The following MTR variants were observed in gnomAD, a reference collection of about 807,000 sequenced individuals.
The protein encoded by MTR is 5-methyltetrahydrofolate-homocysteine methyltransferase.
In MTR, 84 loss-of-function variants were observed where a neutral mutation model predicts 154.8. The ratio of observed to expected loss-of-function variants is 0.54; its 90% CI spans 0.45 to 0.65. The LOEUF (loss-of-function observed/expected upper bound fraction) is 0.65. MTR is among the 30% of genes least tolerant of loss of function. The pLI is 0.00. For synonymous variants in MTR, 554 were observed against 553.9 expected, an observed-to-expected ratio of 1.00 and a Z score of 0.00; for missense variants, 1,275 against 1,570.2, an observed-to-expected ratio of 0.81 and a Z score of 3.18.
chr1:236,891,438 C>A, intron 29 of MTR, 109 bp downstream of exon 29: 1 of 1,133,294 alleles, frequency 8.8e-7, no homozygotes, highest in Non-Finnish European at 1.3e-6. Context: ...TCCCAAATGA[C>A]CAATCACATG....
At chr1:236,804,360 A>G (rs759052160) in intron 2 of MTR, among the ~76,000 whole-genome samples, 4 of 152,248 alleles carry the variant, frequency 2.6e-5, no homozygotes, top group African/African-American at 4.8e-5. Context: ...GATGCTGTCT[A>G]TGAACTAGAA....
chr1:236,882,259 T>G (rs1558335839), intron 25 of MTR, among the ~76,000 whole-genome samples: 1 of 152,204 alleles, frequency 6.6e-6, no homozygotes, highest in East Asian at 1.9e-4. Context: ...CACTGATGTA[T>G]AGCCCTGAAT....
chr1:236,807,208 C>T (rs935091249), intron 3 of MTR, among the ~76,000 whole-genome samples: 1 of 152,118 alleles, frequency 6.6e-6, no homozygotes, highest in African/African-American at 2.4e-5. Flanking sequence ...GGGTCTTGCT[C>T]TGTCACCCAG....
chr1:236,862,142 T>C, intron 20 of MTR, 94 bp from the exon 21 acceptor site: 1 of 966,964 alleles, frequency 1.0e-6, no homozygotes, highest in Non-Finnish European at 1.7e-6. Context: ...AGTCAAAGCA[T>C]GCATTCCTAA....
chr1:236,894,641 G>C, intron 30 of MTR, 84 bp downstream of exon 30: 1 of 1,368,072 alleles, frequency 7.3e-7, no homozygotes, highest in Non-Finnish European at 1.0e-6. Flanking sequence ...AGACTGATCA[G>C]CCCTTAGAAC....
In MTR at chr1:236,835,532, T is replaced by C; in HGVS notation, c.1189-15T>C. The C allele has an allele frequency of 6.2e-7, 1 of 1,612,722 alleles. No individual in the cohort carries two copies. The highest frequency in any genetic ancestry group is 8.5e-7 in the Non-Finnish European group (1 of 1,179,788). On this transcript the variant is annotated splice_polypyrimidine_tract_variant and intron_variant, in intron 13 of 32. Coordinates refer to ENST00000366577, the MANE Select transcript of MTR (RefSeq NM_000254.3). Reference sequence around the variant, plus strand: ...CTGTCTCCTAATGCTGCTTCCTCTCTCATTCTTCCTTCAGGAAGCCTTGTG... The same window carrying C: ...CTGTCTCCTAATGCTGCTTCCTCTCCCATTCTTCCTTCAGGAAGCCTTGTG...
chr1:236,869,086 C>CA (rs1450923253), intron 22 of MTR, among the ~76,000 whole-genome samples: 2 of 152,138 alleles, frequency 1.3e-5, no homozygotes, highest in African/African-American at 2.4e-5. Flanking sequence ...GCAGGAGCAG[C>CA]AGACAGGCTG....
chr1:236,824,048 C>G (rs1662139708), intron 8 of MTR, 71 bp from the exon 9 acceptor site: 6 of 1,267,116 alleles, frequency 4.7e-6, no homozygotes, highest in Admixed American at 3.4e-5. Context: ...TATATTGTCT[C>G]CATATATAAC....
intron 8 of MTR, chr1:236,819,854 T>C (rs2103074849): frequency 2.6e-6 from 2 of 771,976 alleles, no homozygotes; most frequent in South Asian, 2.7e-5. Flanking sequence ...ACCCTGCTGA[T>C]GTCAGTGTCA....
In MTR at chr1:236,850,371, G is replaced by A; in HGVS notation, c.1543G>A (p.Val515Met). 4.3e-6 allele frequency: 7 copies of A among 1,613,260 alleles called. No homozygotes were observed. The highest frequency in any genetic ancestry group is 5.9e-6 in the Non-Finnish European group (7 of 1,179,632). ...QATETDTKIR[V>M]CTRAYHLLVK... ...AACAGAAACAGACACAAAAATCAGAGTGTGCACCCGGGCCTACCATCTGCT... is the reference window on the plus strand; with the variant it reads ...AACAGAAACAGACACAAAAATCAGAATGTGCACCCGGGCCTACCATCTGCT... The change falls in exon 16 of 33, where the codon GTG (valine) becomes ATG (methionine). Residue 515 changes from valine to methionine, a missense_variant. By Grantham distance (21) the Val-to-Met change is conservative (BLOSUM62 1). Coordinates refer to ENST00000366577, the MANE Select transcript of MTR (RefSeq NM_000254.3).
chr1:236,897,308 A>ATGCGCGCGCGCGCGCG (rs57608445), intron 32 of MTR, among the ~76,000 whole-genome samples, 190 bp downstream of exon 32: 33 of 131,520 alleles, frequency 2.5e-4, no homozygotes, highest in East Asian at 4.5e-4. Flanking sequence ...AGCCACACAC[A>ATGCGCGCGCGCGCGCG]CGCACACACA....
intron 8 of MTR, chr1:236,820,587 T>TAAA (rs35453692): frequency 6.9e-4 from 283 of 410,600 alleles, no homozygotes; most frequent in Middle Eastern, 2.0e-3. Context: ...GTCAGTTTCT[T>TAAA]AAAAAAAAAA....
chr1:236,844,503 T>TGTGTGTGA (rs1297978179), intron 15 of MTR, among the ~76,000 whole-genome samples: 1 of 126,680 alleles, frequency 7.9e-6, no homozygotes, highest in African/African-American at 2.9e-5. Context: ...TGTGTGTGTG[T>TGTGTGTGA]AGATGCTGTG....
At chr1:236,815,957 A>G (rs760547242) in intron 7 of MTR, among the ~76,000 whole-genome samples, 3 of 152,194 alleles carry the variant, frequency 2.0e-5, no homozygotes, top group Non-Finnish European at 4.4e-5. Context: ...TTAGGGCCCA[A>G]GGAGGGGTGG....
intron 8 of MTR, among the ~76,000 whole-genome samples, chr1:236,819,047 T>C (rs1661766557): frequency 6.6e-6 from 1 of 152,222 alleles, no homozygotes. Flanking sequence ...CAAAATTCTC[T>C]CATTATCAAC....
intron 15 of MTR, among the ~76,000 whole-genome samples, chr1:236,842,176 C>T (rs1313011908): frequency 2.0e-5 from 3 of 152,334 alleles, no homozygotes; most frequent in East Asian, 3.9e-4. Flanking sequence ...CAGGCGTGAG[C>T]CACCGCGCCC....
chr1:236,853,881 A>G (rs143536199), intron 18 of MTR, among the ~76,000 whole-genome samples: 2 of 152,360 alleles, frequency 1.3e-5, no homozygotes, highest in East Asian at 1.9e-4. Flanking sequence ...TCCTAGGCAC[A>G]TGAAGTATCT....
chr1:236,843,303 G>A (rs1223926897), intron 15 of MTR, among the ~76,000 whole-genome samples: 1 of 151,478 alleles, frequency 6.6e-6, no homozygotes. Context: ...CTTTGCAGAG[G>A]GAATCTTGAG....
chr1:236,861,283 CAA>C lies in MTR; in HGVS notation c.2196+9_2196+10del. The C allele has an allele frequency of 6.2e-7, 1 of 1,613,690 alleles. No homozygotes were observed. The highest frequency in any genetic ancestry group is 8.5e-7 in the Non-Finnish European group (1 of 1,179,832). ...GAAAAATGTTTCTACCTCAGGTTAG[CAA>C]AATATGGGGAGAAATTTTCACAGTT... On this transcript the variant is annotated splice_region_variant and intron_variant, in intron 20 of 32. Coordinates refer to ENST00000366577, the MANE Select transcript of MTR (RefSeq NM_000254.3).
Sources: gnomAD v4.1 joint callset for allele counts (sites outside exome capture counted in the v4.1 genomes callset) on GRCh38, gnomAD v4.1.1 for gene constraint, MANE v1.5 for transcripts, NCBI Gene and HGNC (gene_info 2026-07-23, HGNC 2026-07-21) for gene names.